STAT4: variants seen among roughly 807,000 people sequenced by gnomAD.
STAT4 encodes signal transducer and activator of transcription 4.
In STAT4, 42 loss-of-function variants were observed where a neutral mutation model predicts 110.5. The observed-to-expected ratio is 0.38, with a 90% confidence interval of 0.30 to 0.49. The LOEUF is 0.49. STAT4 is among the 20% of genes least tolerant of loss of function. STAT4 has a pLI of 0.95. For missense variants in STAT4, 632 were observed against 887.9 expected, an observed-to-expected ratio of 0.71 and a Z score of 3.66; for synonymous variants, 284 against 302.2, an observed-to-expected ratio of 0.94 and a Z score of 0.63.
chr2:191,031,492 T>C lies in STAT4; in HGVS notation c.2069A>G (p.Asp690Gly), dbSNP rs774816816. The C allele has an allele frequency of 6.2e-7, 1 of 1,613,460 alleles. No homozygotes were observed. Among genetic ancestry groups the C allele is most frequent in the Admixed American group, 1.7e-5 (1 of 59,974 alleles). ...AAAAACAGAAGGAACATAACCTTTG[T>C]CACCCCTTTCTGTTGGTCTTGAAAC... is the stretch of plus-strand genomic sequence containing the variant. ...CEVSRPTERG[D>G]KGYVPSVFIP... The change falls in exon 22 of 24, where the codon GAC (aspartate) becomes GGC (glycine). Residue 690 changes from aspartate (D) to glycine (G), a missense_variant. Physicochemically the swap from Asp to Gly is moderately conservative, Grantham distance 94 (BLOSUM62 -1). Coordinates refer to ENST00000392320, the MANE Select transcript of STAT4 (RefSeq NM_003151.4). The surrounding 1 kb of genome is among the most constrained non-coding windows in gnomAD (Gnocchi z 4.8).
chr2:191,093,521 A>C (rs1025292072), intron 3 of STAT4, among the ~76,000 whole-genome samples: 10 of 152,248 alleles, frequency 6.6e-5, no homozygotes, highest in Admixed American at 6.5e-4. Flanking sequence ...GAAAACTAAC[A>C]AACAGAAAGG....
intron 3 of STAT4, among the ~76,000 whole-genome samples, chr2:191,124,817 A>G (rs1464427342): frequency 2.0e-5 from 3 of 152,158 alleles, no homozygotes; most frequent in African/African-American, 7.2e-5. Context: ...TTCTCTCACA[A>G]GTCCAGAACA....
chr2:191,139,069 A>G (rs958700362), intron 3 of STAT4, among the ~76,000 whole-genome samples: 4 of 152,102 alleles, frequency 2.6e-5, no homozygotes, highest in African/African-American at 9.7e-5. Flanking sequence ...ATGATAAAAA[A>G]CCCTCAACAA....
intron 18 of STAT4, 143 bp downstream of exon 18, chr2:191,034,405 A>C (rs1053595711): frequency 4.9e-6 from 3 of 615,676 alleles, no homozygotes; most frequent in East Asian, 6.1e-5. Flanking sequence ...CCTGGGTGAC[A>C]GAGCAAGACT....
At position 191,146,770 on chromosome 2, in the gene STAT4, AG is replaced by A; in HGVS notation, c.129-14del. 4 of 1,533,242 alleles carry A rather than the reference AG, an allele frequency of 2.6e-6. No homozygotes were observed. The highest frequency in any genetic ancestry group is 1.3e-5 in the South Asian group (1 of 77,646). The allele number at this position is 1,533,242 out of a possible 1,614,324, so 95.0% of individuals were successfully genotyped here. A position where few individuals can be genotyped will look rare whatever the true frequency, so the allele number is the denominator to read the frequency against. On this transcript the variant is annotated splice_polypyrimidine_tract_variant and intron_variant, in intron 2 of 23. Coordinates refer to ENST00000392320, the MANE Select transcript of STAT4 (RefSeq NM_003151.4). The surrounding 1 kb of genome is among the most constrained non-coding windows in gnomAD (Gnocchi z 4.5). ...AGAAGCTGCCTCCCTAAAAAAAAAA[AG>A]GATTATTACACAACAGAAAACAACT...
In STAT4 at chr2:191,053,857, G is replaced by A. The variant is rs1317545453; in HGVS notation, c.1251+633C>T. Among the ~76,000 whole-genome samples the A allele has an allele frequency of 6.6e-6, 1 of 152,172 alleles. No homozygotes were observed. Among genetic ancestry groups the A allele is most frequent in the Non-Finnish European group, 1.5e-5 (1 of 68,022 alleles). On this transcript the variant is annotated intron_variant, in intron 14 of 23. Transcript: ENST00000392320. The surrounding 1 kb of genome is among the most constrained non-coding windows in gnomAD (Gnocchi z 4.5). ...GAAAACTGTTCTCCGGGCTGGGCAC[G>A]GTGGCTCACGCCTATAATCCCAGCA...
chr2:191,108,158 G>A (rs980490829), intron 3 of STAT4, among the ~76,000 whole-genome samples: 2 of 152,084 alleles, frequency 1.3e-5, no homozygotes, highest in Non-Finnish European at 2.9e-5. Flanking sequence ...AGACATGGTA[G>A]GGGGCATCTG....
chr2:191,146,746 G>A lies in STAT4; in HGVS notation c.140C>T (p.Ser47Phe). 1 of 1,544,466 alleles carries A rather than the reference G, an allele frequency of 6.5e-7. No individual in the cohort carries two copies. Among genetic ancestry groups the A allele is most frequent in the Non-Finnish European group, 8.7e-7 (1 of 1,150,020 alleles). The change falls in exon 3 of 24, where the codon TCT becomes TTT. Residue 47 changes from serine to phenylalanine, a missense_variant. This residue lies in a region of STAT4 where 488 missense variants were observed against 632.8 expected (regional missense o/e 0.77). Coordinates refer to ENST00000392320, the MANE Select transcript of STAT4 (RefSeq NM_003151.4). The surrounding 1 kb of genome is among the most constrained non-coding windows in gnomAD (Gnocchi z 4.5). ...AATCGTTGCCATGGTTTCATTGTTA[G>A]AAGCTGCCTCCCTAAAAAAAAAAAG... ...WIENQDWEAASNNETMATILL... is the reference protein window; with the variant it reads ...WIENQDWEAAFNNETMATILL...
Position 191,066,364 on chromosome 2 carries a change from A to T in STAT4, c.630+66T>A. 7.4e-7 allele frequency: 1 copy of T among 1,351,208 alleles called. No individual in the cohort carries two copies. The highest frequency in any genetic ancestry group is 1.0e-6 in the Non-Finnish European group (1 of 952,614). 83.7% of individuals were successfully genotyped at this position (1,351,208 alleles called of 1,614,324 possible). A position where few individuals can be genotyped will look rare whatever the true frequency, so the allele number is the denominator to read the frequency against. Reference sequence around the variant, plus strand: ...AAAATCTGACAGCTTGATTATTTTCAGTTAGTCTAAGTTTAGAAAAAAGGA... The same window carrying T: ...AAAATCTGACAGCTTGATTATTTTCTGTTAGTCTAAGTTTAGAAAAAAGGA... On this transcript the variant is annotated intron_variant, in intron 7 of 23. Coordinates refer to ENST00000392320, the MANE Select transcript of STAT4 (RefSeq NM_003151.4). The surrounding 1 kb of genome is among the most constrained non-coding windows in gnomAD (Gnocchi z 4.3).
chr2:191,068,243 A>G (rs180760686), intron 6 of STAT4: 10 of 152,326 alleles, frequency 6.6e-5, no homozygotes, highest in African/African-American at 2.4e-4. Flanking sequence ...AAGTTCAAAT[A>G]ATCTAATTCT....
In STAT4 at chr2:191,053,325, T is replaced by G. The variant is rs1178367101; in HGVS notation, c.1251+1165A>C. Among the ~76,000 whole-genome samples the G allele has an allele frequency of 6.6e-6, 1 of 152,186 alleles. No individual in the cohort carries two copies. Among genetic ancestry groups the G allele is most frequent in the African/African-American group, 2.4e-5 (1 of 41,452 alleles). On this transcript the variant is annotated intron_variant, in intron 14 of 23. Transcript: ENST00000392320. The surrounding 1 kb of genome is among the most constrained non-coding windows in gnomAD (Gnocchi z 4.5). Reference sequence around the variant, plus strand: ...GAGCACGGGCTGTTGAGCATGACTATCCTGCTCTCTTAGAGGAAAAAAATG... The same window carrying G: ...GAGCACGGGCTGTTGAGCATGACTAGCCTGCTCTCTTAGAGGAAAAAAATG...
chr2:191,043,878 C>A lies in STAT4; in HGVS notation c.1252-2730G>T, dbSNP rs1266509438. Reference sequence around the variant, plus strand: ...CATAAGGATGCCATTTATGTAAAATCTAAATTTATAATACAGAATAATATA... The same window carrying A: ...CATAAGGATGCCATTTATGTAAAATATAAATTTATAATACAGAATAATATA... On this transcript the variant is annotated intron_variant, in intron 14 of 23. Coordinates refer to ENST00000392320, the MANE Select transcript of STAT4 (RefSeq NM_003151.4). This position sits in a 1 kb window ranked among gnomAD's most constrained non-coding sequence, Gnocchi z 4.8. Among the ~76,000 whole-genome samples the A allele has an allele frequency of 6.6e-6, 1 of 151,924 alleles. No homozygotes were observed. Among genetic ancestry groups the A allele is most frequent in the African/African-American group, 2.4e-5 (1 of 41,322 alleles).
Position 191,031,532 on chromosome 2 carries a change from G to A in STAT4, c.2045-16C>T. 6.2e-7 allele frequency: 1 copy of A among 1,608,770 alleles called. No homozygotes were observed. On this transcript the variant is annotated splice_polypyrimidine_tract_variant and intron_variant, in intron 21 of 23. Transcript: ENST00000392320. The surrounding 1 kb of genome is among the most constrained non-coding windows in gnomAD (Gnocchi z 4.8). ...GGTCTTGAAACTGGAAAACAAAAAG[G>A]CACAATGTTGGGGAAAAAAATGTCA...
In STAT4 at chr2:191,110,214, G is replaced by A. The variant is rs142398400; in HGVS notation, c.274-33889C>T. Among the ~76,000 whole-genome samples, 4 of 152,254 alleles carry A rather than the reference G, an allele frequency of 2.6e-5. No homozygotes were observed. In the East Asian group the frequency reaches 7.7e-4, roughly 29 times the overall value. ...AACATAGATTTGTGTTGATGTCAGT[G>A]CTAAGAAGAAAAGGTCTTCTTCAGG... On this transcript the variant is annotated intron_variant, in intron 3 of 23. Coordinates refer to ENST00000392320, the MANE Select transcript of STAT4 (RefSeq NM_003151.4). The surrounding 1 kb of genome is among the most constrained non-coding windows in gnomAD (Gnocchi z 4.5).
At chr2:191,139,267 G>T (rs964483630) in intron 3 of STAT4, among the ~76,000 whole-genome samples, 8 of 151,786 alleles carry the variant, frequency 5.3e-5, no homozygotes, top group Non-Finnish European at 1.0e-4. Context: ...ACAAGAGAAA[G>T]AAATACAAGG....
At position 191,033,660 on chromosome 2, in the gene STAT4, A is replaced by G. The variant is rs752726193; in HGVS notation, c.1716-34T>C. The G allele has an allele frequency of 1.9e-6, 3 of 1,598,304 alleles. No individual in the cohort carries two copies. The highest frequency in any genetic ancestry group is 2.6e-6 in the Non-Finnish European group (3 of 1,174,218). ...AGAACATGCATTATTTCATCTGATC[A>G]TTATTGGATTTTCACTTATTGCATT... On this transcript the variant is annotated intron_variant, in intron 19 of 23. Coordinates refer to ENST00000392320, the MANE Select transcript of STAT4 (RefSeq NM_003151.4). This position sits in a 1 kb window ranked among gnomAD's most constrained non-coding sequence, Gnocchi z 6.9.
intron 3 of STAT4, among the ~76,000 whole-genome samples, chr2:191,089,333 A>G (rs913783400): frequency 5.3e-5 from 8 of 152,208 alleles, no homozygotes; most frequent in African/African-American, 1.7e-4. Flanking sequence ...GGTCAGGGAA[A>G]TGCATACTAA....
intron 3 of STAT4, among the ~76,000 whole-genome samples, chr2:191,118,610 A>G (rs531003458): frequency 6.6e-6 from 1 of 152,322 alleles, no homozygotes; most frequent in Admixed American, 6.5e-5. Context: ...CAATGTGGAC[A>G]TTTAAGAATA....
chr2:191,045,670 C>G (rs191956615), intron 14 of STAT4, among the ~76,000 whole-genome samples: 1 of 152,246 alleles, frequency 6.6e-6, no homozygotes, highest in Admixed American at 6.5e-5. Context: ...ATATGAATAA[C>G]AATTCTGTGA....
Sources: gnomAD v4.1 joint callset for allele counts (sites outside exome capture counted in the v4.1 genomes callset) on GRCh38, gnomAD v4.1.1 for gene constraint, gnomAD v4.1.1 regional missense constraint, Gnocchi (gnomAD v3.1) non-coding constraint, MANE v1.5 for transcripts, NCBI Gene and HGNC (gene_info 2026-07-23, HGNC 2026-07-21) for gene names.